Variants in SCN1A observed in about 807,000 individuals in gnomAD.
SCN1A encodes sodium channel protein type 1 subunit alpha.
A neutral mutation model predicts 193.7 loss-of-function variants in SCN1A; 13 were observed. That is an observed-to-expected ratio of 0.07 (90% CI 0.04 to 0.11). The LOEUF (loss-of-function observed/expected upper bound fraction) is 0.11. Ranked by LOEUF, SCN1A falls within the 10% of genes least tolerant of loss-of-function variation. The probability of loss-of-function intolerance (pLI) is 1.00; values close to 1 mark genes in which losing one functional copy is unlikely to be tolerated. For synonymous variants in SCN1A, 781 were observed against 843.6 expected (o/e 0.93, Z 1.29); for missense variants, 1,432 against 2,451.1 (o/e 0.58, Z 8.78).
At chr2:166,086,092 A>C (rs570272122) in intron 2 of SCN1A, among the ~76,000 whole-genome samples, 2 of 152,294 alleles carry the variant, frequency 1.3e-5, no homozygotes, top group East Asian at 3.9e-4. Context: ...CTCCTGGCCA[A>C]AAGGATCCCA....
intron 19 of SCN1A, among the ~76,000 whole-genome samples, chr2:166,021,850 C>T (rs187606873): frequency 6.6e-6 from 1 of 152,234 alleles, no homozygotes; most frequent in East Asian, 1.9e-4. Context: ...GATCTCACTC[C>T]AGCCTTAAGT....
At chr2:165,994,682 A>C (rs536618884) in intron 27 of SCN1A, among the ~76,000 whole-genome samples, 1 of 149,718 alleles carries the variant, frequency 6.7e-6, no homozygotes, top group African/African-American at 2.5e-5. Context: ...AACAAACAAA[A>C]GAAACATTCA....
intron 2 of SCN1A, among the ~76,000 whole-genome samples, chr2:166,095,225 A>G (rs1687247341): frequency 1.3e-5 from 2 of 152,128 alleles, no homozygotes; most frequent in Admixed American, 1.3e-4. Context: ...CAAGCTGAAA[A>G]ATTTTCAATA....
intron 18 of SCN1A, among the ~76,000 whole-genome samples, chr2:166,037,074 T>C (rs1696480498): frequency 6.6e-6 from 1 of 152,208 alleles, no homozygotes; most frequent in Non-Finnish European, 1.5e-5. Flanking sequence ...TAATCTCTCA[T>C]ATTTCCATGA....
At position 165,988,230 on chromosome 2, in the gene SCN1A, T is replaced by C. The variant is rs1050671684; in HGVS notation, c.*3015A>G. ...TTCCCCCAGTTACTGTTTTTCTTTA[T>C]CTGCAAAAGTTAGCAAGATTAAGAC... On this transcript the variant is annotated 3_prime_UTR_variant, in exon 29 of 29. Transcript: ENST00000674923. 1.4e-4 allele frequency: 21 copies of C among 152,132 alleles called. No homozygotes were observed. Among genetic ancestry groups the C allele is most frequent in the African/African-American group, 5.1e-4 (21 of 41,458 alleles). 9.4% of individuals were successfully genotyped at this position (152,132 alleles called of 1,614,324 possible).
At position 165,991,619 on chromosome 2, in the gene SCN1A, G is replaced by T. The variant is rs779614747; in HGVS notation, c.5656C>A (p.Arg1886=). The T allele has an allele frequency of 1.9e-6, 3 of 1,613,758 alleles. No individual in the cohort carries two copies. The highest frequency in any genetic ancestry group is 2.5e-6 in the Non-Finnish European group (3 of 1,179,886). Residue 1886 remains arginine (R), a synonymous_variant, in exon 29 of 29, where the codon CGA becomes AGA. Coordinates refer to ENST00000674923, the MANE Select transcript of SCN1A (RefSeq NM_001165963.4). ...LGESGEMDAL[R]IQMEERFMAS... is the part of the protein sequence containing the mutation. ...ATGAATCGCTCTTCCATCTGTATTCGTAGAGCATCCATCTCTCCACTCTCT... is the reference window on the plus strand; with the variant it reads ...ATGAATCGCTCTTCCATCTGTATTCTTAGAGCATCCATCTCTCCACTCTCT...
At chr2:166,053,221 A>G in intron 7 of SCN1A, 1 of 639,824 alleles carries the variant, frequency 1.6e-6, no homozygotes. Flanking sequence ...GTGATTTTAA[A>G]TGATAAATAT....
chr2:166,126,696 C>T (rs1175057603), intron 2 of SCN1A, among the ~76,000 whole-genome samples: 1 of 152,186 alleles, frequency 6.6e-6, no homozygotes, highest in Non-Finnish European at 1.5e-5. Context: ...GTGATAGCAA[C>T]AGCAATTGGC....
In SCN1A at chr2:166,044,721, A is replaced by C. The variant is rs1697587032; in HGVS notation, c.1662+322T>G. Among the ~76,000 whole-genome samples, 3 of 150,878 alleles carry C rather than the reference A, an allele frequency of 2.0e-5. 1 individual carries two copies. The highest frequency in any genetic ancestry group is 4.2e-4 in the South Asian group (2 of 4,770). On this transcript the variant is annotated intron_variant, in intron 13 of 28. Coordinates refer to ENST00000674923, the MANE Select transcript of SCN1A (RefSeq NM_001165963.4). The stretch of plus-strand genomic sequence containing the variant: ...CCTGATCGACTATCCGGAGTTCCAC[A>C]TTTTTTTTTTTCTTAAAAGTGCTGA...
At chr2:166,019,740 GTGT>G (rs1384022347) in intron 19 of SCN1A, among the ~76,000 whole-genome samples, 1 of 152,044 alleles carries the variant, frequency 6.6e-6, no homozygotes, top group Non-Finnish European at 1.5e-5. Context: ...ACAAAGCTTA[GTGT>G]ATGTATGGTG....
chr2:166,013,952 CCTTTAG>C, intron 20 of SCN1A, 54 bp from the exon 21 acceptor site: 1 of 1,587,712 alleles, frequency 6.3e-7, no homozygotes, highest in Non-Finnish European at 8.6e-7. Flanking sequence ...TCCATAATAT[CCTTTAG>C]CAATGTCCTT....
upstream of SCN1A, among the ~76,000 whole-genome samples, chr2:166,131,886 G>C (rs1691674609): frequency 6.6e-6 from 1 of 152,130 alleles, no homozygotes; most frequent in Non-Finnish European, 1.5e-5. Flanking sequence ...ATTTCCCAAA[G>C]TGATGACCAA....
chr2:166,137,532 T>C (rs1391463360), intron 1 of SCN1A: 3 of 152,500 alleles, frequency 2.0e-5, no homozygotes, highest in Non-Finnish European at 4.4e-5. Flanking sequence ...AATGGGATTT[T>C]GCTGACACAG....
At chr2:166,060,342 T>C (rs1683166160) in intron 4 of SCN1A, 1 of 152,190 alleles carries the variant, frequency 6.6e-6, no homozygotes, top group Non-Finnish European at 1.5e-5. Context: ...TTTTCTCTGA[T>C]TCATTGAGGG....
intron 2 of SCN1A, chr2:166,104,287 A>T (rs1156774811): frequency 6.6e-6 from 1 of 152,218 alleles, no homozygotes; most frequent in Non-Finnish European, 1.5e-5. Context: ...AGTAACAGGG[A>T]AGAGAGAGTA....
chr2:165,991,416 A>C lies in SCN1A; in HGVS notation c.5859T>G (p.Leu1953=). 6.2e-7 allele frequency: 1 copy of C among 1,613,756 alleles called. No homozygotes were observed. The part of the protein sequence containing the change: ...NKNKIKGGAN[L]LIKEDMIIDR... Reference sequence around the variant, plus strand: ...CAATTATCATGTCTTCTTTTATAAGAAGATTAGCCCCACCTTTGATTTTGT... The same window carrying C: ...CAATTATCATGTCTTCTTTTATAAGCAGATTAGCCCCACCTTTGATTTTGT... Residue 1953 remains leucine (L), a synonymous_variant, in exon 29 of 29, where the codon CTT becomes CTG. Transcript: ENST00000674923.
In SCN1A at chr2:166,118,142, AAAAG is replaced by A. The variant is rs373801069; in HGVS notation, c.-142+8778_-142+8781del. Among the ~76,000 whole-genome samples, 163 of 151,222 alleles carry A rather than the reference AAAAG, an allele frequency of 1.1e-3. 1 individual carries two copies. The highest frequency in any genetic ancestry group is 3.4e-3 in the African/African-American group (141 of 41,262). The stretch of plus-strand genomic sequence containing the variant: ...AACAAAATGCCTAGGAATGAAAAAA[AAAAG>A]AGAGAGAGAGAGAGAGAGTCAGGGA... On this transcript the variant is annotated intron_variant, in intron 2 of 28. Coordinates refer to ENST00000674923, the MANE Select transcript of SCN1A (RefSeq NM_001165963.4).
In SCN1A at chr2:165,986,645, C is replaced by G. The variant is rs957429959; in HGVS notation, c.*4600G>C. On this transcript the variant is annotated 3_prime_UTR_variant, in exon 29 of 29. Coordinates refer to ENST00000674923, the MANE Select transcript of SCN1A (RefSeq NM_001165963.4). ...TAGAAATTATAAAGTCCAGGGCATACAAAATATGATAGTGTGAACACGCAG... is the reference window on the plus strand; with the variant it reads ...TAGAAATTATAAAGTCCAGGGCATAGAAAATATGATAGTGTGAACACGCAG... The G allele has an allele frequency of 1.5e-5, 2 of 131,086 alleles. No individual in the cohort carries two copies. The highest frequency in any genetic ancestry group is 3.2e-5 in the Non-Finnish European group (2 of 63,162). 8.1% of individuals were successfully genotyped at this position (131,086 alleles called of 1,614,324 possible). A position where few individuals can be genotyped will look rare whatever the true frequency, so the allele number is the denominator to read the frequency against.
At position 166,022,312 on chromosome 2, in the gene SCN1A, A is replaced by C. The variant is rs34524985; in HGVS notation, c.3430-6585T>G. Among the ~76,000 whole-genome samples, 272 of 152,146 alleles carry C rather than the reference A, an allele frequency of 1.8e-3. 1 individual carries two copies. The highest frequency in any genetic ancestry group is 3.0e-3 in the Admixed American group (46 of 15,242). ...TTTCAGATGAAACAACTTGGCACTA[A>C]GCTAATGCAAAGAGCTATTATTTTA... On this transcript the variant is annotated intron_variant, in intron 19 of 28. Transcript: ENST00000674923.
Sources: gnomAD v4.1 joint callset for allele counts (sites outside exome capture counted in the v4.1 genomes callset) on GRCh38, gnomAD v4.1.1 for gene constraint, MANE v1.5 for transcripts, NCBI Gene and HGNC (gene_info 2026-07-23, HGNC 2026-07-21) for gene names.